STX3: variants seen among roughly 807,000 people sequenced by gnomAD.
STX3 encodes syntaxin 3.
Under a neutral mutation model 40.2 loss-of-function variants are expected in STX3, and 19 were observed. The observed-to-expected ratio is 0.47, with a 90% CI of 0.33 to 0.69. The LOEUF (loss-of-function observed/expected upper bound fraction) is 0.69, where lower values mean the gene tolerates loss of function less well. Among genes scored for constraint, STX3 ranks in the 30% least tolerant of loss-of-function variants. STX3 has a pLI of 0.02. For synonymous variants in STX3, 122 were observed against 132.2 expected, an observed-to-expected ratio of 0.92 and a Z score of 0.53; for missense variants, 364 against 366.7, an observed-to-expected ratio of 0.99 and a Z score of 0.06.
At position 59,779,831 on chromosome 11, in the gene STX3, C is replaced by G. The variant is rs576364756; in HGVS notation, c.114+6537C>G. On this transcript the variant is annotated intron_variant, in intron 2 of 10. Coordinates refer to ENST00000337979, the MANE Select transcript of STX3 (RefSeq NM_004177.5). ...AGCTGTGAGGTGACCAGTCTTGAAG[C>G]ATATGGATTTGCTAGGTATGCTTGA... Among the ~76,000 whole-genome samples the G allele has an allele frequency of 1.1e-4, 16 of 152,286 alleles. No homozygotes were observed. The South Asian group carries it at 3.3e-3, about 32-fold the overall frequency.
intron 6 of STX3, among the ~76,000 whole-genome samples, chr11:59,792,580 A>G (rs1436520326): frequency 6.6e-6 from 1 of 152,220 alleles, no homozygotes; most frequent in African/African-American, 2.4e-5. Context: ...AGTATGGTGT[A>G]AGTTGCTGGG....
At chr11:59,776,968 G>A (rs1275435415) in intron 2 of STX3, among the ~76,000 whole-genome samples, 1 of 152,110 alleles carries the variant, frequency 6.6e-6, no homozygotes, top group Non-Finnish European at 1.5e-5. Flanking sequence ...AAACATTAGG[G>A]GTTTATTTTT....
chr11:59,795,315 T>C, intron 8 of STX3, 57 bp from the exon 9 acceptor site: 1 of 1,420,264 alleles, frequency 7.0e-7, no homozygotes, highest in Non-Finnish European at 9.8e-7. Context: ...CTTCCCCGCA[T>C]TGGCTAGGAC....
At chr11:59,770,163 G>A (rs1803482498) in intron 1 of STX3, among the ~76,000 whole-genome samples, 1 of 150,382 alleles carries the variant, frequency 6.6e-6, no homozygotes, top group Non-Finnish European at 1.5e-5. Flanking sequence ...GGGTGTGCGT[G>A]TAAGGGGTGT....
rs938158951 is a variant in STX3, at chr11:59,803,257, A to G, written c.*2433A>G. 6.5e-6 allele frequency: 8 copies of G among 1,231,694 alleles called. No homozygotes were observed. Among genetic ancestry groups the G allele is most frequent in the Middle Eastern group, 3.1e-4 (1 of 3,208 alleles). 76.3% of individuals were successfully genotyped at this position (1,231,694 alleles called of 1,614,324 possible). On this transcript the variant is annotated 3_prime_UTR_variant, in exon 11 of 11. Transcript: ENST00000337979. ...CATGATCTGCTGTATTATCCTTGCG[A>G]TCATCTTAGCTTCCACCATTGGGAG...
chr11:59,770,461 C>T (rs754932442), intron 1 of STX3, among the ~76,000 whole-genome samples: 5 of 151,884 alleles, frequency 3.3e-5, no homozygotes, highest in Non-Finnish European at 5.9e-5. Flanking sequence ...CTCAGTCATT[C>T]TCTAGATGAC....
chr11:59,784,289 T>TA (rs1196916065), intron 2 of STX3, among the ~76,000 whole-genome samples: 1 of 152,228 alleles, frequency 6.6e-6, no homozygotes, highest in Non-Finnish European at 1.5e-5. Context: ...AATTTAAAAT[T>TA]TGATAAACTC....
chr11:59,765,848 C>CA (rs1863256726), intron 1 of STX3, among the ~76,000 whole-genome samples: 1 of 152,124 alleles, frequency 6.6e-6, no homozygotes, highest in Non-Finnish European at 1.5e-5. Context: ...CCAGGTGTGT[C>CA]ATTGTTTCTT....
Position 59,802,214 on chromosome 11 carries a change from C to A in STX3, c.*1390C>A. The A allele has an allele frequency of 7.1e-6, 7 of 985,478 alleles. No individual in the cohort carries two copies. The highest frequency in any genetic ancestry group is 8.4e-6 in the Non-Finnish European group (7 of 829,982). The allele number at this position is 985,478 out of a possible 1,614,324, so 61.0% of individuals were successfully genotyped here. A position where few individuals can be genotyped will look rare whatever the true frequency, so the allele number is the denominator to read the frequency against. On this transcript the variant is annotated 3_prime_UTR_variant, in exon 11 of 11. Transcript: ENST00000337979. ...TTAATGAGCTTGGCAGGTTCTTTGT[C>A]TCACTGAATTCTTATCATGGAAACA...
At chr11:59,759,908 A>G (rs1862941159) in intron 1 of STX3, among the ~76,000 whole-genome samples, 1 of 152,220 alleles carries the variant, frequency 6.6e-6, no homozygotes, top group Admixed American at 6.5e-5. Context: ...TTTATGTGCC[A>G]GGTGCTTTGG....
At chr11:59,785,680 GGTGAA>G (rs1429214804) in intron 2 of STX3, among the ~76,000 whole-genome samples, 1 of 152,124 alleles carries the variant, frequency 6.6e-6, no homozygotes, top group Non-Finnish European at 1.5e-5. Context: ...TTTTGAAAAA[GGTGAA>G]GTGTCCACAG....
Position 59,773,235 on chromosome 11 carries a change from A to C in STX3, c.55A>C (p.Thr19Pro). ...KAKQLTQDDD[T>P]DAVEIAIDNT... ...GAAGCAGCTGACACAGGATGATGAT[A>C]CTGATGCGGTTGAGATTGCTATCGA... Residue 19 changes from threonine to proline, a missense_variant, in exon 2 of 11, where the codon ACT becomes CCT. Transcript: ENST00000337979. The C allele has an allele frequency of 6.2e-7, 1 of 1,614,184 alleles. No homozygotes were observed. Among genetic ancestry groups the C allele is most frequent in the Non-Finnish European group, 8.5e-7 (1 of 1,180,016 alleles).
chr11:59,798,210 G>GTT (rs869122698), intron 10 of STX3, among the ~76,000 whole-genome samples: 19 of 116,522 alleles, frequency 1.6e-4, no homozygotes, highest in Non-Finnish European at 1.7e-4. Flanking sequence ...TGAATCACTG[G>GTT]TTTTTTTTTT....
At chr11:59,782,202 G>A (rs767742211) in intron 2 of STX3, among the ~76,000 whole-genome samples, 5 of 152,180 alleles carry the variant, frequency 3.3e-5, no homozygotes, top group African/African-American at 4.8e-5. Context: ...ATAGTTATTA[G>A]TATAATATAG....
intron 1 of STX3, among the ~76,000 whole-genome samples, chr11:59,755,946 C>A (rs1393901608): frequency 6.6e-6 from 1 of 152,252 alleles, no homozygotes; most frequent in African/African-American, 2.4e-5. Context: ...GGGGTCCCTT[C>A]ACCACCTGCC....
intron 1 of STX3, among the ~76,000 whole-genome samples, chr11:59,771,562 C>T (rs1469024814): frequency 1.3e-5 from 2 of 152,036 alleles, no homozygotes; most frequent in Non-Finnish European, 2.9e-5. Flanking sequence ...ATGCCCAGGT[C>T]AGGCATACAG....
chr11:59,790,138 G>A (rs188104985), intron 4 of STX3, among the ~76,000 whole-genome samples: 40 of 152,322 alleles, frequency 2.6e-4, no homozygotes, highest in Admixed American at 2.2e-3. Flanking sequence ...GGCACTTTAT[G>A]TGTCTTCTCA....
rs1432446351 is a variant in STX3, at chr11:59,797,266, C to T, written c.787-17C>T. 1.3e-6 allele frequency: 2 copies of T among 1,597,570 alleles called. No homozygotes were observed. The highest frequency in any genetic ancestry group is 4.5e-5 in the East Asian group (2 of 44,794). ...GTTTGTAATAATGATTTGTTTTTGT[C>T]TTATTCCTCTCTCCAGAAATTGATA... On this transcript the variant is annotated splice_polypyrimidine_tract_variant and intron_variant, in intron 9 of 10. Transcript: ENST00000337979.
At chr11:59,777,684 A>G (rs2134950640) in intron 2 of STX3, among the ~76,000 whole-genome samples, 1 of 152,364 alleles carries the variant, frequency 6.6e-6, no homozygotes, top group African/African-American at 2.4e-5. Flanking sequence ...CTAGGTCAGC[A>G]TCACTGTGAT....
Sources: gnomAD v4.1 joint callset for allele counts (sites outside exome capture counted in the v4.1 genomes callset) on GRCh38, gnomAD v4.1.1 for gene constraint, MANE v1.5 for transcripts, NCBI Gene and HGNC (gene_info 2026-07-23, HGNC 2026-07-21) for gene names.